Variants in GALNT13 observed in about 807,000 individuals in gnomAD.
GALNT13 encodes the protein UDP-GalNAc:polypeptide N-acetylgalactosaminyltransferase 13.
A neutral mutation model predicts 64.2 loss-of-function variants in GALNT13; 28 were observed. The observed-to-expected ratio is 0.44, with a 90% CI of 0.32 to 0.60. The LOEUF (loss-of-function observed/expected upper bound fraction) is 0.60. Among genes scored for constraint, GALNT13 ranks in the 20% least tolerant of loss-of-function variants. GALNT13 has a pLI of 0.05. For missense variants in GALNT13, 577 were observed against 669.8 expected (o/e 0.86, Z 1.53); for synonymous variants, 214 against 224.6 (o/e 0.95, Z 0.42).
chr2:154,167,168 A>T (rs1685079424), intron 4 of GALNT13, among the ~76,000 whole-genome samples: 1 of 152,166 alleles, frequency 6.6e-6, no homozygotes, highest in African/African-American at 2.4e-5. Flanking sequence ...ATAAATAAAT[A>T]AATATTGTTA....
intron 3 of GALNT13, among the ~76,000 whole-genome samples, chr2:153,986,907 G>A (rs886105443): frequency 1.3e-5 from 2 of 151,910 alleles, no homozygotes; most frequent in African/African-American, 4.8e-5. Flanking sequence ...GATAGAGGAA[G>A]GGAATGAGAA....
the GALNT13 span, among the ~76,000 whole-genome samples, chr2:153,769,656 A>AT: frequency 6.4e-3 from 972 of 152,042 alleles, 7 homozygotes; most frequent in African/African-American, 0.021. Flanking sequence ...TTCCTGAATT[A>AT]TTTTCTAAAA....
the GALNT13 span, among the ~76,000 whole-genome samples, chr2:153,327,122 A>G: frequency 3.6e-3 from 553 of 152,178 alleles, 4 homozygotes; most frequent in African/African-American, 0.011. Context: ...AAAGTTGAAT[A>G]TTGGCCCTCA....
At position 154,267,116 on chromosome 2, in the gene GALNT13, ATAT is replaced by A. The variant is rs1394314784; in HGVS notation, c.975+7984_975+7986del. On this transcript the variant is annotated intron_variant, in intron 8 of 12. Coordinates refer to ENST00000392825, the MANE Select transcript of GALNT13 (RefSeq NM_052917.4). The stretch of plus-strand genomic sequence containing the variant: ...TAGAGAAAGAATAGTAGTTTCAAAA[ATAT>A]TATTAGAACAACTGAATGTCTATGT... 2.0e-5 allele frequency among the ~76,000 whole-genome samples: 3 copies of A among 152,274 alleles called. No individual in the cohort carries two copies. In the East Asian group the frequency reaches 5.8e-4, roughly 30 times the overall value.
chr2:153,308,890 A>G, the GALNT13 span, among the ~76,000 whole-genome samples: 1 of 152,216 alleles, frequency 6.6e-6, no homozygotes, highest in East Asian at 1.9e-4. Flanking sequence ...AAAATGGTAC[A>G]TAGAATAATG....
At chr2:153,323,629 A>G in the GALNT13 span, among the ~76,000 whole-genome samples, 1 of 152,082 alleles carries the variant, frequency 6.6e-6, no homozygotes, top group Non-Finnish European at 1.5e-5. Flanking sequence ...TAGGTTTTAC[A>G]TTTAAGTCTT....
chr2:153,594,679 A>G, the GALNT13 span, among the ~76,000 whole-genome samples: 1 of 152,144 alleles, frequency 6.6e-6, no homozygotes, highest in Admixed American at 6.5e-5. Context: ...AGGTAAATAT[A>G]TTTGTTCAAA....
At chr2:153,146,589 A>G in the GALNT13 span, among the ~76,000 whole-genome samples, 2 of 151,910 alleles carry the variant, frequency 1.3e-5, no homozygotes, top group Non-Finnish European at 2.9e-5. Context: ...CTCACTGACC[A>G]GGATGCTTGA....
chr2:154,074,339 G>A (rs1052289642), intron 3 of GALNT13, among the ~76,000 whole-genome samples: 3 of 151,850 alleles, frequency 2.0e-5, no homozygotes, highest in Non-Finnish European at 4.4e-5. Flanking sequence ...AGAGCCAGTC[G>A]ACTGGTATAA....
the GALNT13 span, among the ~76,000 whole-genome samples, chr2:153,490,743 T>G: frequency 6.6e-6 from 1 of 152,112 alleles, no homozygotes; most frequent in East Asian, 1.9e-4. Flanking sequence ...TCAGATCACC[T>G]GAGGTCAGAA....
chr2:154,331,340 A>T (rs772520013), intron 9 of GALNT13, among the ~76,000 whole-genome samples: 2 of 152,028 alleles, frequency 1.3e-5, no homozygotes, highest in Non-Finnish European at 2.9e-5. Context: ...TGCAAGTAAC[A>T]AGCTGCCTGG....
At chr2:154,388,134 A>T (rs142640186) in intron 9 of GALNT13, among the ~76,000 whole-genome samples, 1 of 152,144 alleles carries the variant, frequency 6.6e-6, no homozygotes, top group Non-Finnish European at 1.5e-5. Context: ...ACGATACCTT[A>T]TTGTGGCTTT....
chr2:153,093,898 A>G, the GALNT13 span, among the ~76,000 whole-genome samples: 3 of 152,034 alleles, frequency 2.0e-5, no homozygotes, highest in African/African-American at 4.8e-5. Context: ...TCCTGGTTCA[A>G]TCTTGCTAGG....
chr2:153,788,367 A>C, the GALNT13 span, among the ~76,000 whole-genome samples: 4 of 152,032 alleles, frequency 2.6e-5, no homozygotes, highest in Non-Finnish European at 5.9e-5. Flanking sequence ...TGAAGGAAAA[A>C]TAAGATCCTT....
the GALNT13 span, among the ~76,000 whole-genome samples, chr2:153,542,211 T>C: frequency 6.6e-6 from 1 of 151,948 alleles, no homozygotes; most frequent in African/African-American, 2.4e-5. Context: ...TCCCAGCTAC[T>C]TGGGAGGCTG....
At chr2:154,454,333 T>A (rs1701982563), downstream of GALNT13, among the ~76,000 whole-genome samples, 1 of 152,102 alleles carries the variant, frequency 6.6e-6, no homozygotes, top group African/African-American at 2.4e-5. Flanking sequence ...CAAAAAATTA[T>A]AGAAATGGAA....
chr2:154,053,398 T>C (rs1699743672), intron 3 of GALNT13, among the ~76,000 whole-genome samples: 1 of 152,184 alleles, frequency 6.6e-6, no homozygotes, highest in Non-Finnish European at 1.5e-5. Flanking sequence ...TTTTTCTTTT[T>C]CCTTTTCCTT....
chr2:153,614,520 G>A, the GALNT13 span, among the ~76,000 whole-genome samples: 2 of 152,058 alleles, frequency 1.3e-5, no homozygotes, highest in Admixed American at 1.3e-4. Context: ...TTGAGTCAGA[G>A]AAAGTGGGTC....
chr2:154,257,818 T>C (rs1228012161), intron 7 of GALNT13: 1 of 152,196 alleles, frequency 6.6e-6, no homozygotes, highest in Non-Finnish European at 1.5e-5. Flanking sequence ...GAGGAGAATG[T>C]AATTTTGACA....
Sources: allele counts gnomAD v4.1 joint callset (sites outside exome capture counted in the v4.1 genomes callset), GRCh38; gene constraint gnomAD v4.1.1; transcripts MANE v1.5; gene names NCBI Gene and HGNC (gene_info 2026-07-23, HGNC 2026-07-21).